Variants in IRGQ observed in about 807,000 individuals in gnomAD.
IRGQ encodes the protein immunity-related GTPase family Q protein.
Under a neutral mutation model 10.5 loss-of-function variants are expected in IRGQ, and 5 were observed. That is an observed-to-expected ratio of 0.48 (90% CI 0.25 to 1.00). The LOEUF (loss-of-function observed/expected upper bound fraction) is 1.00, where lower values mean the gene tolerates loss of function less well. Ranked by LOEUF, IRGQ falls within the 50% of genes least tolerant of loss-of-function variation. IRGQ has a pLI of 0.16. For missense variants in IRGQ, 792 were observed against 877.7 expected, an observed-to-expected ratio of 0.90 and a Z score of 1.23; for synonymous variants, 418 against 426.0, an observed-to-expected ratio of 0.98 and a Z score of 0.23.
rs1008199028 is a variant in IRGQ, at chr19:43,586,196, G to C, written c.*5830C>G. The stretch of plus-strand genomic sequence containing the variant: ...CTGCCTTCAAGGGTCTTCCAGCCCT[G>C]TGGTGCCATGCAGACACACTTCAGT... On this transcript the variant is annotated 3_prime_UTR_variant, in exon 3 of 3. Transcript: ENST00000422989. 6.6e-6 allele frequency: 1 copy of C among 152,196 alleles called. No individual in the cohort carries two copies. The allele number at this position is 152,196 out of a possible 1,614,324, so 9.4% of individuals were successfully genotyped here.
In IRGQ at chr19:43,588,857, A is replaced by T. The variant is rs904798342; in HGVS notation, c.*3169T>A. On this transcript the variant is annotated 3_prime_UTR_variant, in exon 3 of 3. Coordinates refer to ENST00000422989, the MANE Select transcript of IRGQ (RefSeq NM_001007561.3). ...TAGACACTAATATGATGGGGTAAAG[A>T]TATGGATGAATATTCTTCCCCAAAG... 3 of 152,248 alleles carry T rather than the reference A, an allele frequency of 2.0e-5. No homozygotes were observed. The highest frequency in any genetic ancestry group is 2.9e-5 in the Non-Finnish European group (2 of 68,042). The allele number at this position is 152,248 out of a possible 1,614,324, so 9.4% of individuals were successfully genotyped here. A position where few individuals can be genotyped will look rare whatever the true frequency, so the allele number is the denominator to read the frequency against.
At position 43,594,878 on chromosome 19, in the gene IRGQ, C is replaced by G. The variant is rs1175194894; in HGVS notation, c.461G>C (p.Ser154Thr). 6.2e-7 allele frequency: 1 copy of G among 1,613,782 alleles called. No homozygotes were observed. Residue 154 changes from serine (S) to threonine (T), a missense_variant, in exon 2 of 3, where the codon AGC becomes ACC. Ser to Thr is a moderately conservative substitution (Grantham distance 58). Transcript: ENST00000422989. ...CTCTAGCTCCTCGCAGCCGTCGCTG[C>G]TGCCGCAGTTCGCCGGTAGCACAAA... is the stretch of plus-strand genomic sequence containing the variant. Reference protein sequence around the residue: ...DLFVLPANCGSSDGCEELERL... With the variant: ...DLFVLPANCGTSDGCEELERL...
chr19:43,593,194 A>G lies in IRGQ; in HGVS notation c.704T>C (p.Val235Ala). 1 of 1,569,072 alleles carries G rather than the reference A, an allele frequency of 6.4e-7. No homozygotes were observed. Among genetic ancestry groups the G allele is most frequent in the African/African-American group, 1.4e-5 (1 of 73,492 alleles). The change falls in exon 3 of 3, where the codon GTG (valine) becomes GCG (alanine). Residue 235 changes from valine to alanine, a missense_variant. By Grantham distance (64) the Val-to-Ala change is moderately conservative. Coordinates refer to ENST00000422989, the MANE Select transcript of IRGQ (RefSeq NM_001007561.3). This position sits in a 1 kb window ranked among gnomAD's most constrained non-coding sequence, Gnocchi z 6.4. ...LDLAVAGKADVGLVVDMLLGL... is the reference protein window; with the variant it reads ...LDLAVAGKADAGLVVDMLLGL... ...AAGCAGCATGTCCACCACAAGGCCC[A>G]CGTCAGCCTTGCCAGCCACGGCCAG...
At chr19:43,594,332 G>T (rs1973099259) in intron 2 of IRGQ, among the ~76,000 whole-genome samples, 1 of 152,176 alleles carries the variant, frequency 6.6e-6, no homozygotes, top group Non-Finnish European at 1.5e-5. Flanking sequence ...TAATTCTAGG[G>T]CTTTGGGAAG....
In IRGQ at chr19:43,592,652, G is replaced by T; in HGVS notation, c.1246C>A (p.Pro416Thr). 1 of 1,605,128 alleles carries T rather than the reference G, an allele frequency of 6.2e-7. No homozygotes were observed. Among genetic ancestry groups the T allele is most frequent in the Non-Finnish European group, 8.5e-7 (1 of 1,179,964 alleles). Reference sequence around the variant, plus strand: ...AGCACCTCCCACGTCTCGTCCTCCGGGCTTAACGCAGCGGCCCGCTCTGAG... The same window carrying T: ...AGCACCTCCCACGTCTCGTCCTCCGTGCTTAACGCAGCGGCCCGCTCTGAG... ...GDSERAAALSPEDETWEVLEE... is the reference protein window; with the variant it reads ...GDSERAAALSTEDETWEVLEE... Residue 416 changes from proline to threonine, a missense_variant, in exon 3 of 3, where the codon CCG (proline) becomes ACG (threonine). Coordinates refer to ENST00000422989, the MANE Select transcript of IRGQ (RefSeq NM_001007561.3).
chr19:43,595,335 G>A lies in IRGQ; in HGVS notation c.4C>T (p.Pro2Ser), dbSNP rs771555448. M[P>S]PPQGDVTALF... ...GCGGTCACGTCACCCTGCGGCGGAG[G>A]CATGGCTGGAAAGCAACGGGTAGAG... Residue 2 changes from proline to serine, a missense_variant, in exon 2 of 3, where the codon CCT (proline) becomes TCT (serine). Physicochemically the swap from Pro to Ser is moderately conservative, Grantham distance 74 (BLOSUM62 -1). Coordinates refer to ENST00000422989, the MANE Select transcript of IRGQ (RefSeq NM_001007561.3). 2 of 1,544,820 alleles carry A rather than the reference G, an allele frequency of 1.3e-6. No homozygotes were observed. The highest frequency in any genetic ancestry group is 2.0e-5 in the Admixed American group (1 of 50,782).
chr19:43,595,229 G>A lies in IRGQ; in HGVS notation c.110C>T (p.Ala37Val), dbSNP rs1281121626. 1.2e-6 allele frequency: 2 copies of A among 1,612,580 alleles called. No homozygotes were observed. Among genetic ancestry groups the A allele is most frequent in the South Asian group, 1.1e-5 (1 of 91,034 alleles). The change falls in exon 2 of 3, where the codon GCC (alanine) becomes GTC (valine). Residue 37 changes from alanine (A) to valine (V), a missense_variant. Physicochemically the swap from Ala to Val is moderately conservative, Grantham distance 64 (BLOSUM62 0). Transcript: ENST00000422989. ...CCCGGAGTCCGGCCGTCCCTCGGGGGCCTCGAGCGTCTCCACATCCTTGTC... is the reference window on the plus strand; with the variant it reads ...CCCGGAGTCCGGCCGTCCCTCGGGGACCTCGAGCGTCTCCACATCCTTGTC... ...LCDKDVETLEAPEGRPDSGVP... is the reference protein window; with the variant it reads ...LCDKDVETLEVPEGRPDSGVP...
Position 43,596,108 on chromosome 19 carries a change from C to G in IRGQ, c.-129G>C, listed in dbSNP as rs1973135591. The G allele has an allele frequency of 6.6e-6, 1 of 152,186 alleles. No homozygotes were observed. Among genetic ancestry groups the G allele is most frequent in the African/African-American group, 2.4e-5 (1 of 41,454 alleles). 9.4% of individuals were successfully genotyped at this position (152,186 alleles called of 1,614,324 possible). A position where few individuals can be genotyped will look rare whatever the true frequency, so the allele number is the denominator to read the frequency against. On this transcript the variant is annotated 5_prime_UTR_variant, in exon 1 of 3. Transcript: ENST00000422989. ...CCAGGGAGCGGTGATTTAGAGATGC[C>G]GGGACCCGTCCCGGTAGCTTTAACC...
chr19:43,593,093 G>T lies in IRGQ; in HGVS notation c.805C>A (p.Arg269Ser). Residue 269 changes from arginine (R) to serine (S), a missense_variant, in exon 3 of 3, where the codon CGC (arginine) becomes AGC (serine). Arg to Ser is a moderately radical substitution (Grantham distance 110). Coordinates refer to ENST00000422989, the MANE Select transcript of IRGQ (RefSeq NM_001007561.3). This position sits in a 1 kb window ranked among gnomAD's most constrained non-coding sequence, Gnocchi z 6.4. ...TAPTPFPAPE[R>S]PNVVLWTVPL... is the part of the protein sequence containing the mutation. ...ACGGTCCAGAGCACCACATTCGGGCGCTCTGGGGCTGGGAAGGGAGTGGGT... is the reference window on the plus strand; with the variant it reads ...ACGGTCCAGAGCACCACATTCGGGCTCTCTGGGGCTGGGAAGGGAGTGGGT... 1 of 1,586,674 alleles carries T rather than the reference G, an allele frequency of 6.3e-7. No homozygotes were observed. Among genetic ancestry groups the T allele is most frequent in the Non-Finnish European group, 8.6e-7 (1 of 1,162,102 alleles).
chr19:43,594,908 T>G lies in IRGQ; in HGVS notation c.431A>C (p.Asp144Ala), dbSNP rs750003337. 1 of 1,613,920 alleles carries G rather than the reference T, an allele frequency of 6.2e-7. No individual in the cohort carries two copies. Among genetic ancestry groups the G allele is most frequent in the Admixed American group, 1.7e-5 (1 of 60,014 alleles). ...GCAGTTCGCCGGTAGCACAAACAGA[T>G]CCGCAGCTCCTAACCCCGCGCTGTT... ...LLNSAGLGAA[D>A]LFVLPANCGS... The change falls in exon 2 of 3, where the codon GAT becomes GCT. Residue 144 changes from aspartate to alanine, a missense_variant. By Grantham distance (126) the Asp-to-Ala change is moderately radical. Coordinates refer to ENST00000422989, the MANE Select transcript of IRGQ (RefSeq NM_001007561.3).
At position 43,595,328 on chromosome 19, in the gene IRGQ, G is replaced by T; in HGVS notation, c.11C>A (p.Pro4Gln). 6.4e-7 allele frequency: 1 copy of T among 1,552,476 alleles called. No homozygotes were observed. Among genetic ancestry groups the T allele is most frequent in the Non-Finnish European group, 8.7e-7 (1 of 1,151,676 alleles). MPP[P>Q]QGDVTALFLG... ...GAACAAGGCGGTCACGTCACCCTGC[G>T]GCGGAGGCATGGCTGGAAAGCAACG... is the stretch of plus-strand genomic sequence containing the variant. The change falls in exon 2 of 3, where the codon CCG (proline) becomes CAG (glutamine). Residue 4 changes from proline (P) to glutamine (Q), a missense_variant. Transcript: ENST00000422989.
rs1250212271 is a variant in IRGQ, at chr19:43,584,615, A to G, written c.*7411T>C. ...TACATAACAAACCACTCCAAAATTT[A>G]GTGGTTTAGAACAATCACCTATTTA... is the stretch of plus-strand genomic sequence containing the variant. On this transcript the variant is annotated 3_prime_UTR_variant, in exon 3 of 3. Coordinates refer to ENST00000422989, the MANE Select transcript of IRGQ (RefSeq NM_001007561.3). 1 of 152,212 alleles carries G rather than the reference A, an allele frequency of 6.6e-6. No individual in the cohort carries two copies. The highest frequency in any genetic ancestry group is 1.5e-5 in the Non-Finnish European group (1 of 68,028). 9.4% of individuals were successfully genotyped at this position (152,212 alleles called of 1,614,324 possible). A position where few individuals can be genotyped will look rare whatever the true frequency, so the allele number is the denominator to read the frequency against.
Position 43,594,819 on chromosome 19 carries a change from C to A in IRGQ, c.520G>T (p.Ala174Ser). Residue 174 changes from alanine (A) to serine (S), a missense_variant, in exon 2 of 3, where the codon GCG (alanine) becomes TCG (serine). Transcript: ENST00000422989. ...AAAGCCGGCACTCACCTCCGCAGCG[C>A]TTCTGCCTGGCTCTGCAGCGCCGCC... The part of the protein sequence containing the change: ...LRAALQSQAE[A>S]LRRLLPPAQD... 1 of 1,607,070 alleles carries A rather than the reference C, an allele frequency of 6.2e-7. No individual in the cohort carries two copies.
At position 43,592,680 on chromosome 19, in the gene IRGQ, G is replaced by A; in HGVS notation, c.1218C>T (p.Gly406=). ...TTAACGCAGCGGCCCGCTCTGAGTC[G>A]CCACCACCTGATTTCTTCATGCCGA... is the stretch of plus-strand genomic sequence containing the variant. ...QVVGMKKSGG[G]DSERAAALSP... Residue 406 remains glycine, a synonymous_variant, in exon 3 of 3, where the codon GGC becomes GGT. Transcript: ENST00000422989. 2 of 1,607,244 alleles carry A rather than the reference G, an allele frequency of 1.2e-6. No individual in the cohort carries two copies. Among genetic ancestry groups the A allele is most frequent in the South Asian group, 1.1e-5 (1 of 91,084 alleles).
At chr19:43,594,720 A>C in intron 2 of IRGQ, 89 bp downstream of exon 2, 1 of 1,140,408 alleles carries the variant, frequency 8.8e-7, no homozygotes, top group Non-Finnish European at 1.2e-6. Context: ...CCCCAAACTC[A>C]CTGGGGGAGG....
Position 43,584,700 on chromosome 19 carries a change from T to G in IRGQ, c.*7326A>C, listed in dbSNP as rs1403519561. The stretch of plus-strand genomic sequence containing the variant: ...ATCAGCTGGGCAGTTCTTTTGCTGG[T>G]CTCAGCTGGGTTCAGCTGCCTATCA... On this transcript the variant is annotated 3_prime_UTR_variant, in exon 3 of 3. Transcript: ENST00000422989. 1 of 152,256 alleles carries G rather than the reference T, an allele frequency of 6.6e-6. No homozygotes were observed. The highest frequency in any genetic ancestry group is 1.5e-5 in the Non-Finnish European group (1 of 68,062). 9.4% of individuals were successfully genotyped at this position (152,256 alleles called of 1,614,324 possible). A position where few individuals can be genotyped will look rare whatever the true frequency, so the allele number is the denominator to read the frequency against.
In IRGQ at chr19:43,593,378, A is replaced by G; in HGVS notation, c.531-11T>C. The stretch of plus-strand genomic sequence containing the variant: ...GCCGGTGGCAGGAGCCTGTGGGGAC[A>G]AGAAGGGACAGGGTCAAAGGTAGAA... On this transcript the variant is annotated splice_polypyrimidine_tract_variant and intron_variant, in intron 2 of 2. Transcript: ENST00000422989. This position sits in a 1 kb window ranked among gnomAD's most constrained non-coding sequence, Gnocchi z 6.4. 6.6e-7 allele frequency: 1 copy of G among 1,504,770 alleles called. No homozygotes were observed. The highest frequency in any genetic ancestry group is 8.9e-7 in the Non-Finnish European group (1 of 1,125,350). 93.2% of individuals were successfully genotyped at this position (1,504,770 alleles called of 1,614,324 possible).
rs772459285 is a variant in IRGQ at position 43,595,061 on chromosome 19, G to A, written c.278C>T (p.Ala93Val). The A allele has an allele frequency of 1.9e-6, 3 of 1,613,016 alleles. No homozygotes were observed. The South Asian group carries it at 3.3e-5, about 18-fold the overall frequency. Residue 93 changes from alanine to valine, a missense_variant, in exon 2 of 3, where the codon GCT becomes GTT. Transcript: ENST00000422989. ...CAGCGCTGCCTCTCCCAGGGCTGGA[G>A]CCAACGGTTCCCCGTTCCCCTCGGG... ...PGPEGNGEPL[A>V]PALGEAALAA...
chr19:43,594,652 AGC>A (rs1426157713), intron 2 of IRGQ, among the ~76,000 whole-genome samples, 155 bp downstream of exon 2: 1 of 152,102 alleles, frequency 6.6e-6, no homozygotes, highest in Non-Finnish European at 1.5e-5. Flanking sequence ...TAGCCAACAT[AGC>A]GAGACCCTGT....
Sources: gnomAD v4.1 joint callset for allele counts (sites outside exome capture counted in the v4.1 genomes callset) on GRCh38, gnomAD v4.1.1 for gene constraint, Gnocchi (gnomAD v3.1) non-coding constraint, MANE v1.5 for transcripts, NCBI Gene and HGNC (gene_info 2026-07-23, HGNC 2026-07-21) for gene names.